The following HERC2 variants were observed in gnomAD, a reference collection of about 807,000 sequenced individuals.
HERC2 encodes the protein E3 ubiquitin-protein ligase HERC2.
A neutral mutation model predicts 537.7 loss-of-function variants in HERC2; 102 were observed. The observed-to-expected ratio is 0.19, with a 90% CI of 0.16 to 0.22. The LOEUF is 0.22. Ranked by LOEUF, HERC2 falls within the 10% of genes least tolerant of loss-of-function variation. The pLI is 1.00. For missense variants in HERC2, 4,236 were observed against 6,198.2 expected (o/e 0.68, Z 10.63); for synonymous variants, 2,224 against 2,466.2 (o/e 0.90, Z 2.91).
chr15:28,222,607 T>C (rs1567035471), intron 35 of HERC2, among the ~76,000 whole-genome samples: 1 of 152,176 alleles, frequency 6.6e-6, no homozygotes, highest in Non-Finnish European at 1.5e-5. Context: ...CATGGTTCTG[T>C]GCAGAAGACA....
chr15:28,248,538 T>C lies in HERC2; in HGVS notation c.3235+14A>G. ...GATCACATACAAGACACTTTCACAT[T>C]TTAAGCAACTTACTAGAAATATCTG... is the stretch of plus-strand genomic sequence containing the variant. On this transcript the variant is annotated intron_variant, in intron 21 of 92. Coordinates refer to ENST00000261609, the MANE Select transcript of HERC2 (RefSeq NM_004667.6). 1 of 1,606,856 alleles carries C rather than the reference T, an allele frequency of 6.2e-7. No homozygotes were observed. Among genetic ancestry groups the C allele is most frequent in the Admixed American group, 1.7e-5 (1 of 59,904 alleles).
At chr15:28,199,019 T>C (rs1360833211) in intron 48 of HERC2, among the ~76,000 whole-genome samples, 1 of 151,994 alleles carries the variant, frequency 6.6e-6, no homozygotes, top group East Asian at 1.9e-4. Flanking sequence ...TGGCGGTGCA[T>C]GCCTGTGGTC....
At chr15:28,290,769 G>A (rs1180321131) in intron 4 of HERC2, among the ~76,000 whole-genome samples, 1 of 152,180 alleles carries the variant, frequency 6.6e-6, no homozygotes, top group Non-Finnish European at 1.5e-5. Context: ...GAATGAAGAT[G>A]AAAATGAATA....
chr15:28,206,694 A>G (rs1224264408), intron 44 of HERC2, among the ~76,000 whole-genome samples: 23 of 151,722 alleles, frequency 1.5e-4, no homozygotes, highest in East Asian at 1.9e-4. Flanking sequence ...TTAGCTGGGC[A>G]TGGTGGCGGG....
At chr15:28,228,119 CAA>C in intron 35 of HERC2, 97 bp downstream of exon 35, 1 of 1,079,394 alleles carries the variant, frequency 9.3e-7, no homozygotes, top group Non-Finnish European at 1.3e-6. Flanking sequence ...CCATAATTTA[CAA>C]AAAGCTTTAA....
chr15:28,185,273 TCTC>T lies in HERC2; in HGVS notation c.8825+1301_8825+1303del, dbSNP rs1156405635. On this transcript the variant is annotated intron_variant, in intron 56 of 92. Transcript: ENST00000261609. ...AGCGGCACAGGGCAGTGCTCTGTTG[TCTC>T]CTCATGTCACACGCTGCAGAGTACT... Among the ~76,000 whole-genome samples the T allele has an allele frequency of 2.6e-5, 4 of 152,002 alleles. No homozygotes were observed. In the East Asian group the frequency reaches 5.8e-4, roughly 22 times the overall value.
intron 55 of HERC2, chr15:28,190,360 T>C (rs1327929927): frequency 2.0e-5 from 3 of 152,286 alleles, no homozygotes; most frequent in East Asian, 3.8e-4. Flanking sequence ...ATATATTTAA[T>C]GTATTAAAAA....
chr15:28,277,290 T>C (rs1320580143), intron 5 of HERC2, among the ~76,000 whole-genome samples: 1 of 151,896 alleles, frequency 6.6e-6, no homozygotes, highest in Non-Finnish European at 1.5e-5. Context: ...ACACACACAA[T>C]TGAGAGCATG....
chr15:28,191,320 G>C, intron 53 of HERC2, 76 bp from the exon 54 acceptor site: 1 of 890,838 alleles, frequency 1.1e-6, no homozygotes, highest in Non-Finnish European at 1.8e-6. Context: ...TAGTATCGTT[G>C]AAGCTTGAAT....
At chr15:28,255,309 C>T (rs1457814481) in intron 19 of HERC2, among the ~76,000 whole-genome samples, 1 of 151,874 alleles carries the variant, frequency 6.6e-6, no homozygotes, top group Non-Finnish European at 1.5e-5. Flanking sequence ...CATCCAGCCT[C>T]GGTGACAGAG....
intron 4 of HERC2, among the ~76,000 whole-genome samples, chr15:28,284,905 G>A (rs1305189525): frequency 2.0e-5 from 2 of 97,884 alleles, no homozygotes; most frequent in Non-Finnish European, 3.7e-5. Context: ...CAAAAGGAGC[G>A]AAACTCCGTC....
rs191450346 is a variant in HERC2 at position 28,292,446 on chromosome 15, G to T, written c.322+442C>A. Among the ~76,000 whole-genome samples the T allele has an allele frequency of 1.3e-3, 201 of 152,196 alleles. 7 individuals are homozygous for T. In the East Asian group the frequency reaches 0.027, roughly 20 times the overall value. On this transcript the variant is annotated intron_variant, in intron 4 of 92. Transcript: ENST00000261609. ...AGTGTTGGTGAGGGTGTGGAGAAAT[G>T]GGAACCTTAGTATACCGCTGCAAGA...
chr15:28,177,853 A>G lies in HERC2; in HGVS notation c.9164-344T>C, dbSNP rs958544826. On this transcript the variant is annotated intron_variant, in intron 59 of 92. Coordinates refer to ENST00000261609, the MANE Select transcript of HERC2 (RefSeq NM_004667.6). This position sits in a 1 kb window ranked among gnomAD's most constrained non-coding sequence, Gnocchi z 5.0. ...ATAATTTGTGATTAGACAAAATGTA[A>G]AAATAGTGTCAATTTAAGTTTTTGA... Among the ~76,000 whole-genome samples the G allele has an allele frequency of 6.6e-6, 1 of 152,260 alleles. No individual in the cohort carries two copies. The highest frequency in any genetic ancestry group is 2.4e-5 in the African/African-American group (1 of 41,468).
At chr15:28,200,364 C>A (rs1897784743) in intron 48 of HERC2, among the ~76,000 whole-genome samples, 1 of 152,060 alleles carries the variant, frequency 6.6e-6, no homozygotes, top group Admixed American at 6.5e-5. Flanking sequence ...CACTGCACTC[C>A]AGCCTGGGTG....
At chr15:28,130,411 C>T in intron 82 of HERC2, 92 bp downstream of exon 82, 1 of 1,586,168 alleles carries the variant, frequency 6.3e-7, no homozygotes, top group Non-Finnish European at 8.7e-7. Context: ...TAGCCTGCTG[C>T]AGAAGCTACA....
At chr15:28,242,167 T>C (rs569533981) in intron 23 of HERC2, among the ~76,000 whole-genome samples, 1 of 152,232 alleles carries the variant, frequency 6.6e-6, no homozygotes, top group Admixed American at 6.5e-5. Context: ...CTAGGGAAAA[T>C]TGGTGTTTAA....
intron 2 of HERC2, among the ~76,000 whole-genome samples, chr15:28,309,350 T>G (rs1248408360): frequency 6.6e-6 from 1 of 152,184 alleles, no homozygotes; most frequent in Non-Finnish European, 1.5e-5. Flanking sequence ...TAGTGTTGAG[T>G]GCATATATAC....
At chr15:28,135,038 C>G (rs1284713440) in intron 79 of HERC2, among the ~76,000 whole-genome samples, 1 of 152,128 alleles carries the variant, frequency 6.6e-6, no homozygotes, top group East Asian at 1.9e-4. Context: ...TTACTCCAAT[C>G]TGGCTGGTAG....
At chr15:28,202,992 C>T in intron 45 of HERC2, 1 of 19,710 alleles carries the variant, frequency 5.1e-5, no homozygotes, top group South Asian at 3.4e-4. Flanking sequence ...ACTGTGGTGG[C>T]GGCCACAGGC....
Sources: allele counts gnomAD v4.1 joint callset (sites outside exome capture counted in the v4.1 genomes callset), GRCh38; gene constraint gnomAD v4.1.1; non-coding constraint Gnocchi (gnomAD v3.1); transcripts MANE v1.5; gene names NCBI Gene and HGNC (gene_info 2026-07-23, HGNC 2026-07-21).